FRMD4B: variants seen among roughly 807,000 people sequenced by gnomAD.
FRMD4B encodes FERM domain-containing protein 4B.
A neutral mutation model predicts 141.5 loss-of-function variants in FRMD4B; 74 were observed. That is an observed-to-expected ratio of 0.52 (90% CI 0.43 to 0.63). The LOEUF (loss-of-function observed/expected upper bound fraction) is 0.63, where lower values mean the gene tolerates loss of function less well. FRMD4B is among the 30% of genes least tolerant of loss of function. The probability of loss-of-function intolerance (pLI) is 0.00; values close to 1 mark genes in which losing one functional copy is unlikely to be tolerated. For synonymous variants in FRMD4B, 506 were observed against 467.9 expected, an observed-to-expected ratio of 1.08 and a Z score of -1.05; for missense variants, 1,366 against 1,253.4, an observed-to-expected ratio of 1.09 and a Z score of -1.36.
intron 8 of FRMD4B, among the ~76,000 whole-genome samples, chr3:69,223,931 T>C (rs1433583657): frequency 6.6e-6 from 1 of 152,240 alleles, no homozygotes; most frequent in Non-Finnish European, 1.5e-5. Context: ...ACTTTCACTA[T>C]ATATTTGGGA....
intron 1 of FRMD4B, among the ~76,000 whole-genome samples, chr3:69,346,175 C>A (rs1404121170): frequency 6.6e-6 from 1 of 151,958 alleles, no homozygotes; most frequent in African/African-American, 2.4e-5. Context: ...ACAAGAAATA[C>A]ATGATGAATG....
intron 3 of FRMD4B, among the ~76,000 whole-genome samples, chr3:69,305,983 T>G (rs1416471283): frequency 6.6e-6 from 1 of 152,170 alleles, no homozygotes; most frequent in Non-Finnish European, 1.5e-5. Context: ...AAACTACAGT[T>G]GCAGTGGGAA....
intron 4 of FRMD4B, among the ~76,000 whole-genome samples, chr3:69,294,468 G>C (rs1267252568): frequency 6.6e-6 from 1 of 152,182 alleles, no homozygotes; most frequent in African/African-American, 2.4e-5. Flanking sequence ...CTGTGGGAGG[G>C]GAACAGTCTT....
intron 7 of FRMD4B, among the ~76,000 whole-genome samples, chr3:69,237,641 T>A (rs982487781): frequency 3.9e-5 from 6 of 152,110 alleles, no homozygotes; most frequent in Non-Finnish European, 8.8e-5. Flanking sequence ...GGTGCGAGCA[T>A]GCATTTCTAC....
At chr3:69,226,075 G>A (rs541963824) in intron 7 of FRMD4B, among the ~76,000 whole-genome samples, 13 of 152,170 alleles carry the variant, frequency 8.5e-5, no homozygotes, top group African/African-American at 2.6e-4. Context: ...TTAAGTAGAC[G>A]AGCCCCCCAG....
upstream of FRMD4B, among the ~76,000 whole-genome samples, chr3:69,386,466 C>G (rs1394539577): frequency 2.0e-5 from 3 of 152,144 alleles, no homozygotes; most frequent in Non-Finnish European, 4.4e-5. Flanking sequence ...ACCCCCCACA[C>G]CGGACGAGTG....
At chr3:69,175,175 T>C (rs2092630000) in intron 22 of FRMD4B, among the ~76,000 whole-genome samples, 1 of 152,162 alleles carries the variant, frequency 6.6e-6, no homozygotes, top group African/African-American at 2.4e-5. Context: ...TAGAAACCTT[T>C]ATAAGTTGTA....
intron 1 of FRMD4B, among the ~76,000 whole-genome samples, chr3:69,524,305 TC>T (rs374437675): frequency 1.5e-4 from 23 of 152,326 alleles, no homozygotes; most frequent in African/African-American, 5.3e-4. Flanking sequence ...TGGAAATGTA[TC>T]AGTCTCAGAA....
intron 1 of FRMD4B, among the ~76,000 whole-genome samples, chr3:69,343,649 G>A (rs987078348): frequency 3.5e-5 from 5 of 142,142 alleles, no homozygotes; most frequent in African/African-American, 1.1e-4. Context: ...GTGTGATCCC[G>A]GCTCACTGCA....
intron 11 of FRMD4B, among the ~76,000 whole-genome samples, chr3:69,215,550 C>G (rs1355268557): frequency 6.6e-6 from 1 of 151,962 alleles, no homozygotes; most frequent in Non-Finnish European, 1.5e-5. Flanking sequence ...CTTGGCCTCC[C>G]AAAGTGCTGG....
chr3:69,326,216 C>G (rs1702187382), intron 1 of FRMD4B, among the ~76,000 whole-genome samples: 1 of 151,924 alleles, frequency 6.6e-6, no homozygotes, highest in Non-Finnish European at 1.5e-5. Context: ...CTCGGCCTCC[C>G]ATAGTGCTGG....
chr3:69,307,422 C>T (rs111290559), intron 3 of FRMD4B, among the ~76,000 whole-genome samples: 3 of 152,100 alleles, frequency 2.0e-5, no homozygotes, highest in African/African-American at 7.2e-5. Context: ...TTCACTGCAA[C>T]CTCCACCTCC....
At chr3:69,388,439 A>G (rs1187507362), upstream of FRMD4B, among the ~76,000 whole-genome samples, 1 of 152,136 alleles carries the variant, frequency 6.6e-6, no homozygotes. Context: ...TGGAATCAGA[A>G]ATTGTTGGGG....
Position 69,181,297 on chromosome 3 carries a change from T to A in FRMD4B, c.2453A>T (p.Tyr818Phe). Residue 818 changes from tyrosine to phenylalanine, a missense_variant, in exon 21 of 23, where the codon TAT becomes TTT. Tyr to Phe is a conservative substitution (Grantham distance 22). Coordinates refer to ENST00000398540, the MANE Select transcript of FRMD4B (RefSeq NM_015123.3). ...CTCATAGACATAACCACCACTGTAA[T>A]AAAAGTCACACTCTGCATAGGGTGT... is the stretch of plus-strand genomic sequence containing the variant. ...GYTPYAECDF[Y>F]YSGGYVYEND... is the part of the protein sequence containing the mutation. 6.2e-7 allele frequency: 1 copy of A among 1,613,892 alleles called. No individual in the cohort carries two copies. Among genetic ancestry groups the A allele is most frequent in the Non-Finnish European group, 8.5e-7 (1 of 1,179,864 alleles).
intron 1 of FRMD4B, among the ~76,000 whole-genome samples, chr3:69,358,203 G>A (rs1349712035): frequency 1.3e-5 from 2 of 152,188 alleles, no homozygotes. Flanking sequence ...ATTCACTGCA[G>A]TAATTATTTT....
Position 69,181,029 on chromosome 3 carries a change from A to T in FRMD4B, c.2721T>A (p.Ser907=). The stretch of plus-strand genomic sequence containing the variant: ...GGCTGTGTCCCTGATCCTTCTGCCC[A>T]GAGGCCCGCTGGTACCAGCCACGCA... ...EHLRGWYQRA[S]GQKDQGHSPQ... is the part of the protein sequence containing the mutation. The change falls in exon 21 of 23, where the codon TCT becomes TCA. Residue 907 remains serine, a synonymous_variant. Transcript: ENST00000398540. The T allele has an allele frequency of 6.2e-7, 1 of 1,613,988 alleles. No homozygotes were observed. Among genetic ancestry groups the T allele is most frequent in the Non-Finnish European group, 8.5e-7 (1 of 1,179,864 alleles).
At chr3:69,225,694 CAAAAAAAAAAAAAAA>C (rs144489759) in intron 7 of FRMD4B, among the ~76,000 whole-genome samples, 29 of 23,356 alleles carry the variant, frequency 1.2e-3, no homozygotes, top group African/African-American at 4.8e-3. Flanking sequence ...GACTCCGTCT[CAAAAAAAAAAAAAAA>C]AAAAAAAAAA....
chr3:69,533,979 T>C (rs6796079), intron 1 of FRMD4B, among the ~76,000 whole-genome samples: 9,428 of 152,256 alleles, frequency 0.062, 349 homozygotes, highest in Non-Finnish European at 0.078. Flanking sequence ...TCTTCCAGGT[T>C]CCCTGATCCC....
chr3:69,459,217 T>C (rs1364504194), intron 1 of FRMD4B, among the ~76,000 whole-genome samples: 3 of 152,260 alleles, frequency 2.0e-5, no homozygotes, highest in Non-Finnish European at 2.9e-5. Context: ...AACATTTCAG[T>C]AAATTATGGT....
Sources: gnomAD v4.1 joint callset for allele counts (sites outside exome capture counted in the v4.1 genomes callset) on GRCh38, gnomAD v4.1.1 for gene constraint, MANE v1.5 for transcripts, NCBI Gene and HGNC (gene_info 2026-07-23, HGNC 2026-07-21) for gene names.